CTNNA3: variants seen among roughly 807,000 people sequenced by gnomAD.
CTNNA3 encodes catenin alpha 3, also known as catenin alpha-3.
CTNNA3 carries 76 observed loss-of-function variants against 95.7 expected under a neutral mutation model. That is an observed-to-expected ratio of 0.79 (90% CI 0.66 to 0.96). CTNNA3 has a LOEUF of 0.96. CTNNA3 is among the 40% of genes least tolerant of loss of function. The probability of loss-of-function intolerance (pLI) is 0.00; values close to 1 mark genes in which losing one functional copy is unlikely to be tolerated. For synonymous variants in CTNNA3, 431 were observed against 374.4 expected, an observed-to-expected ratio of 1.15 and a Z score of -1.74; for missense variants, 1,191 against 1,089.8, an observed-to-expected ratio of 1.09 and a Z score of -1.31.
chr10:67,198,737 G>GA (rs1226776609), intron 6 of CTNNA3, among the ~76,000 whole-genome samples: 1 of 152,088 alleles, frequency 6.6e-6, no homozygotes, highest in African/African-American at 2.4e-5. Context: ...AAGACCTGTA[G>GA]AAAAAATCAA....
At chr10:66,596,885 T>C (rs560071667) in intron 10 of CTNNA3, among the ~76,000 whole-genome samples, 2 of 151,998 alleles carry the variant, frequency 1.3e-5, no homozygotes, top group Non-Finnish European at 2.9e-5. Flanking sequence ...ATAATTGTTT[T>C]AAAAAAGCAC....
rs191646886 is a variant in CTNNA3 at position 67,657,519 on chromosome 10, G to A, written c.-5-10001C>T. Among the ~76,000 whole-genome samples the A allele has an allele frequency of 6.8e-4, 103 of 152,064 alleles. 1 individual carries two copies. Among genetic ancestry groups the A allele is most frequent in the Non-Finnish European group, 1.1e-3 (78 of 67,966 alleles). On this transcript the variant is annotated intron_variant, in intron 1 of 17. Coordinates refer to ENST00000433211, the MANE Select transcript of CTNNA3 (RefSeq NM_013266.4). ...GTAGAATTGAGATTTGCCTTCAGGT[G>A]AATTAAAAAAATATGCCCCTTCTGG... is the stretch of plus-strand genomic sequence containing the variant.
At position 67,648,097 on chromosome 10, in the gene CTNNA3, A is replaced by C. The variant is rs138284840; in HGVS notation, c.-5-579T>G. 1.6e-3 allele frequency among the ~76,000 whole-genome samples: 246 copies of C among 152,340 alleles called. 1 individual carries two copies. Among genetic ancestry groups the C allele is most frequent in the Admixed American group, 0.014 (212 of 15,308 alleles). On this transcript the variant is annotated intron_variant, in intron 1 of 17. Coordinates refer to ENST00000433211, the MANE Select transcript of CTNNA3 (RefSeq NM_013266.4). The stretch of plus-strand genomic sequence containing the variant: ...TACAAATTGCACAGTTGTTGTAAAA[A>C]GAGAGAAGCCCCTGAGAAGGCATTG...
intron 7 of CTNNA3, among the ~76,000 whole-genome samples, chr10:67,067,744 T>C (rs771548281): frequency 6.6e-6 from 1 of 152,220 alleles, no homozygotes; most frequent in African/African-American, 2.4e-5. Flanking sequence ...TATTCATTCA[T>C]TTATGCAGTC....
chr10:66,578,799 T>TTGTTGTTG (rs773867373), intron 10 of CTNNA3, among the ~76,000 whole-genome samples: 2 of 141,306 alleles, frequency 1.4e-5, no homozygotes, highest in East Asian at 4.3e-4. Flanking sequence ...TTTTTTTTTG[T>TTGTTGTTG]TTGTTGTTGT....
intron 7 of CTNNA3, among the ~76,000 whole-genome samples, chr10:66,794,630 G>T (rs1364197844): frequency 6.6e-6 from 1 of 152,118 alleles, no homozygotes; most frequent in Non-Finnish European, 1.5e-5. Flanking sequence ...TGAAGGTTGG[G>T]TGGCCATAGC....
intron 7 of CTNNA3, among the ~76,000 whole-genome samples, chr10:66,917,157 C>T (rs1408313847): frequency 5.3e-5 from 8 of 152,132 alleles, no homozygotes; most frequent in African/African-American, 1.4e-4. Flanking sequence ...ATCCCCAGCA[C>T]GAAGAACAGT....
chr10:66,533,563 CCATTGTTATAAAAAAG>C (rs1841544262), intron 10 of CTNNA3, among the ~76,000 whole-genome samples: 1 of 152,062 alleles, frequency 6.6e-6, no homozygotes, highest in African/African-American at 2.4e-5. Context: ...TCTCTACTTT[CCATTGTTATAAAAAAG>C]CAGTGATCTT....
chr10:66,010,343 G>A (rs2133389770), intron 15 of CTNNA3, among the ~76,000 whole-genome samples: 1 of 152,252 alleles, frequency 6.6e-6, no homozygotes, highest in South Asian at 2.1e-4. Flanking sequence ...TAACTAAAAA[G>A]TAGTTTATTC....
At position 66,682,633 on chromosome 10, in the gene CTNNA3, GCTTT is replaced by G. The variant is rs1159169484; in HGVS notation, c.1282-60853_1282-60850del. On this transcript the variant is annotated intron_variant, in intron 9 of 17. Coordinates refer to ENST00000433211, the MANE Select transcript of CTNNA3 (RefSeq NM_013266.4). ...TAAAATCCTCATTTTCTAGGTGGAG[GCTTT>G]CTTTTTTTTTTTTATTTCTGTTTTC... 3.6e-5 allele frequency among the ~76,000 whole-genome samples: 4 copies of G among 110,472 alleles called. No homozygotes were observed. The East Asian group carries it at 7.3e-4, about 20-fold the overall frequency. 72.5% of individuals were successfully genotyped at this position (110,472 alleles called of 152,430 possible).
Position 67,601,338 on chromosome 10 carries a change from G to A in CTNNA3, c.292+5519C>T, listed in dbSNP as rs969058816. Among the ~76,000 whole-genome samples, 14 of 152,206 alleles carry A rather than the reference G, an allele frequency of 9.2e-5. No homozygotes were observed. In the East Asian group the frequency reaches 1.4e-3, roughly 15 times the overall value. On this transcript the variant is annotated intron_variant, in intron 3 of 17. Transcript: ENST00000433211. ...ACCATTCCACTTCAAATCATCAGGC[G>A]TTAGAGTCTCATAAAGAGCACACAA...
intron 13 of CTNNA3, among the ~76,000 whole-genome samples, chr10:66,185,723 TA>T (rs761977332): frequency 2.0e-5 from 3 of 152,044 alleles, no homozygotes; most frequent in East Asian, 3.9e-4. Context: ...ATTATTTAAT[TA>T]AAAAAAGTTT....
intron 13 of CTNNA3, among the ~76,000 whole-genome samples, chr10:66,162,068 T>C (rs1248643604): frequency 1.3e-5 from 2 of 152,104 alleles, no homozygotes; most frequent in Non-Finnish European, 2.9e-5. Flanking sequence ...TTTTTTTCTT[T>C]AAGCTATCTA....
intron 7 of CTNNA3, among the ~76,000 whole-genome samples, chr10:66,822,818 G>A (rs4325207): frequency 0.16 from 25,004 of 152,190 alleles, 2,445 homozygotes; most frequent in Middle Eastern, 0.25. Context: ...TGCTACTTTG[G>A]CTGGGCAGAG....
rs1002759194 is a variant in CTNNA3 at position 65,948,073 on chromosome 10, C to G, written c.2400+18539G>C. 3.9e-5 allele frequency among the ~76,000 whole-genome samples: 6 copies of G among 152,032 alleles called. No homozygotes were observed. The South Asian group carries it at 6.2e-4, about 16-fold the overall frequency. The stretch of plus-strand genomic sequence containing the variant: ...TGGGCGGATCACGAGGTCAGGAGAT[C>G]GAGATCATCCTGGCTAACACGGTGA... On this transcript the variant is annotated intron_variant, in intron 17 of 17. Coordinates refer to ENST00000433211, the MANE Select transcript of CTNNA3 (RefSeq NM_013266.4).
chr10:66,305,559 T>C (rs1564853084), intron 12 of CTNNA3, among the ~76,000 whole-genome samples: 1 of 152,288 alleles, frequency 6.6e-6, no homozygotes, highest in East Asian at 1.9e-4. Flanking sequence ...AAAGTAAACA[T>C]ATATGATTTT....
intron 7 of CTNNA3, among the ~76,000 whole-genome samples, chr10:66,825,505 T>C (rs1842475553): frequency 6.6e-6 from 1 of 151,912 alleles, no homozygotes; most frequent in Non-Finnish European, 1.5e-5. Flanking sequence ...CTCGAACTCC[T>C]GACCTCAAGT....
At chr10:66,184,513 A>G (rs1398847619) in intron 13 of CTNNA3, among the ~76,000 whole-genome samples, 3 of 152,284 alleles carry the variant, frequency 2.0e-5, no homozygotes, top group Admixed American at 2.0e-4. Flanking sequence ...TATTATACAA[A>G]TAACCAATTT....
Position 66,404,472 on chromosome 10 carries a change from T to C in CTNNA3, c.1532-25120A>G, listed in dbSNP as rs141253984. Among the ~76,000 whole-genome samples, 548 of 152,314 alleles carry C rather than the reference T, an allele frequency of 3.6e-3. 2 individuals are homozygous for C. Among genetic ancestry groups the C allele is most frequent in the African/African-American group, 0.013 (526 of 41,578 alleles). On this transcript the variant is annotated intron_variant, in intron 11 of 17. Coordinates refer to ENST00000433211, the MANE Select transcript of CTNNA3 (RefSeq NM_013266.4). ...GCGCATACTTATTGAGATTCTATTG[T>C]GTGCTGGGCACTTGGCTAATTTCAA...
Sources: allele counts gnomAD v4.1 joint callset (sites outside exome capture counted in the v4.1 genomes callset), GRCh38; gene constraint gnomAD v4.1.1; transcripts MANE v1.5; gene names NCBI Gene and HGNC (gene_info 2026-07-23, HGNC 2026-07-21).